STK39: variants seen among roughly 807,000 people sequenced by gnomAD.
The protein encoded by STK39 is STE20/SPS1-related proline-alanine-rich protein kinase.
STK39 carries 20 observed loss-of-function variants against 77.8 expected under a neutral mutation model. The ratio of observed to expected loss-of-function variants is 0.26; its 90% CI spans 0.18 to 0.37. The LOEUF (loss-of-function observed/expected upper bound fraction) is 0.37, where lower values mean the gene tolerates loss of function less well. Ranked by LOEUF, STK39 falls within the 10% of genes least tolerant of loss-of-function variation. The probability of loss-of-function intolerance (pLI) is 1.00; values close to 1 mark genes in which losing one functional copy is unlikely to be tolerated. For missense variants in STK39, 479 were observed against 656.5 expected (o/e 0.73, Z 2.95); for synonymous variants, 246 against 234.1 (o/e 1.05, Z -0.47).
chr2:168,228,876 G>A (rs1475425366), intron 1 of STK39, among the ~76,000 whole-genome samples: 1 of 152,048 alleles, frequency 6.6e-6, no homozygotes, highest in African/African-American at 2.4e-5. Flanking sequence ...TTCCTTACAT[G>A]AGAAAGGAAC....
At chr2:168,081,224 A>G (rs957656876) in intron 10 of STK39, among the ~76,000 whole-genome samples, 38 of 152,194 alleles carry the variant, frequency 2.5e-4, no homozygotes, top group Non-Finnish European at 5.3e-4. Context: ...ACGCCAGCCC[A>G]TGAAAGCAGC....
chr2:168,234,669 C>A (rs1690550467), intron 1 of STK39, among the ~76,000 whole-genome samples: 1 of 152,082 alleles, frequency 6.6e-6, no homozygotes, highest in African/African-American at 2.4e-5. Flanking sequence ...ATAGACCAGG[C>A]AAAAGGTGAT....
intron 16 of STK39, among the ~76,000 whole-genome samples, chr2:168,009,188 G>T (rs1180135157): frequency 6.6e-6 from 1 of 152,136 alleles, no homozygotes; most frequent in Non-Finnish European, 1.5e-5. Flanking sequence ...GGGAGGTGGG[G>T]TAAAGACAGG....
intron 16 of STK39, among the ~76,000 whole-genome samples, chr2:168,008,630 A>G (rs546272055): frequency 8.5e-5 from 13 of 152,330 alleles, no homozygotes; most frequent in African/African-American, 2.2e-4. Flanking sequence ...GGTATTTAAT[A>G]CCACGAAACC....
rs181508131 is a variant in STK39, at chr2:168,167,491, G to A, written c.322-84C>T. 4.2e-5 allele frequency: 52 copies of A among 1,250,610 alleles called. No homozygotes were observed. In the East Asian group the frequency reaches 1.2e-3, roughly 30 times the overall value. The allele number at this position is 1,250,610 out of a possible 1,614,324, so 77.5% of individuals were successfully genotyped here. A position where few individuals can be genotyped will look rare whatever the true frequency, so the allele number is the denominator to read the frequency against. ...CAAGTGAATCACAGTTGAGTACCTGGGTAACTTTCCTACTCGAAAGCCTAC... is the reference window on the plus strand; with the variant it reads ...CAAGTGAATCACAGTTGAGTACCTGAGTAACTTTCCTACTCGAAAGCCTAC... On this transcript the variant is annotated intron_variant, in intron 2 of 17. Coordinates refer to ENST00000355999, the MANE Select transcript of STK39 (RefSeq NM_013233.3).
intron 1 of STK39, among the ~76,000 whole-genome samples, chr2:168,186,792 G>C (rs2105641614): frequency 6.6e-6 from 1 of 152,198 alleles, no homozygotes; most frequent in Admixed American, 6.5e-5. Context: ...TGTTTATATG[G>C]CACCCAAGGG....
At chr2:168,101,123 T>C (rs368311806) in intron 10 of STK39, among the ~76,000 whole-genome samples, 24 of 152,120 alleles carry the variant, frequency 1.6e-4, no homozygotes, top group East Asian at 7.7e-4. Context: ...AACCAAACAC[T>C]GCAGGTTCTC....
At chr2:168,153,222 T>C (rs1688336294) in intron 5 of STK39, among the ~76,000 whole-genome samples, 1 of 152,254 alleles carries the variant, frequency 6.6e-6, no homozygotes, top group South Asian at 2.1e-4. Flanking sequence ...TATTAATTCA[T>C]TTGACAACTA....
At chr2:168,222,365 T>A (rs1451483651) in intron 1 of STK39, among the ~76,000 whole-genome samples, 1 of 152,194 alleles carries the variant, frequency 6.6e-6, no homozygotes, top group African/African-American at 2.4e-5. Context: ...TGCAACTTAT[T>A]TTATCAATTG....
intron 10 of STK39, among the ~76,000 whole-genome samples, chr2:168,084,896 G>A (rs1408234963): frequency 4.6e-5 from 7 of 152,258 alleles, no homozygotes; most frequent in African/African-American, 7.2e-5. Flanking sequence ...ACCTTCAAAC[G>A]TACCTAACAC....
At chr2:168,031,871 A>G (rs1366577095) in intron 14 of STK39, among the ~76,000 whole-genome samples, 1 of 152,228 alleles carries the variant, frequency 6.6e-6, no homozygotes, top group Non-Finnish European at 1.5e-5. Flanking sequence ...TGATTCTGAC[A>G]AATATTTAAA....
chr2:168,179,490 CAAAG>C (rs1484818342), intron 2 of STK39, among the ~76,000 whole-genome samples: 1 of 151,270 alleles, frequency 6.6e-6, no homozygotes, highest in African/African-American at 2.4e-5. Flanking sequence ...ACCAAAAGGT[CAAAG>C]ATTCAAGGGT....
At chr2:168,113,381 C>T (rs1377667444) in intron 10 of STK39, among the ~76,000 whole-genome samples, 3 of 152,166 alleles carry the variant, frequency 2.0e-5, no homozygotes, top group Non-Finnish European at 4.4e-5. Context: ...AATATTGCAG[C>T]TCTGTTTCAC....
At chr2:167,992,104 G>T (rs770771106) in intron 16 of STK39, among the ~76,000 whole-genome samples, 1 of 152,236 alleles carries the variant, frequency 6.6e-6, no homozygotes, top group Non-Finnish European at 1.5e-5. Context: ...AAATGAGTCT[G>T]AAGTTCAAAA....
intron 10 of STK39, among the ~76,000 whole-genome samples, chr2:168,095,684 T>C (rs1310070624): frequency 6.9e-6 from 1 of 144,078 alleles, no homozygotes. Flanking sequence ...TGGAGTGCAG[T>C]GGCGCGATCT....
chr2:168,139,425 A>ATATAT (rs1559115956), intron 7 of STK39, among the ~76,000 whole-genome samples: 14 of 131,836 alleles, frequency 1.1e-4, no homozygotes, highest in African/African-American at 4.6e-4. Flanking sequence ...TATATATATA[A>ATATAT]AAACAATAAA....
chr2:168,004,515 G>A (rs1166363253), intron 16 of STK39, among the ~76,000 whole-genome samples: 1 of 151,980 alleles, frequency 6.6e-6, no homozygotes, highest in Non-Finnish European at 1.5e-5. Flanking sequence ...GGCGGATCAT[G>A]AGGTCAGGAG....
chr2:168,221,681 G>C (rs1175607958), intron 1 of STK39, among the ~76,000 whole-genome samples: 3 of 152,064 alleles, frequency 2.0e-5, no homozygotes, highest in Admixed American at 6.6e-5. Flanking sequence ...TACCTCAAAG[G>C]GTATAATCAT....
At chr2:168,180,597 G>C (rs559307535) in intron 2 of STK39, among the ~76,000 whole-genome samples, 1 of 152,268 alleles carries the variant, frequency 6.6e-6, no homozygotes, top group East Asian at 1.9e-4. Context: ...GGCAGAAGCA[G>C]GACCCAACTC....
Sources: gnomAD v4.1 joint callset for allele counts (sites outside exome capture counted in the v4.1 genomes callset) on GRCh38, gnomAD v4.1.1 for gene constraint, MANE v1.5 for transcripts, NCBI Gene and HGNC (gene_info 2026-07-23, HGNC 2026-07-21) for gene names.